Variants in CSMD1 observed in about 807,000 individuals in gnomAD.
CSMD1 encodes the protein CUB and sushi domain-containing protein 1.
In CSMD1, 213 loss-of-function variants were observed where a neutral mutation model predicts 417.5. The ratio of observed to expected loss-of-function variants is 0.51; its 90% CI spans 0.46 to 0.57. The LOEUF (loss-of-function observed/expected upper bound fraction) is 0.57. Among genes scored for constraint, CSMD1 ranks in the 20% least tolerant of loss-of-function variants. The pLI is 0.00. For missense variants in CSMD1, 6,923 were observed against 4,529.7 expected, an observed-to-expected ratio of 1.53 and a Z score of -15.17; for synonymous variants, 2,862 against 1,736.8, an observed-to-expected ratio of 1.65 and a Z score of -16.11.
rs977689427 is a variant in CSMD1, at chr8:3,505,653, G to C, written c.1345-11927C>G. Among the ~76,000 whole-genome samples the C allele has an allele frequency of 3.3e-5, 5 of 152,122 alleles. No individual in the cohort carries two copies. The East Asian group carries it at 9.6e-4, about 29-fold the overall frequency. On this transcript the variant is annotated intron_variant, in intron 10 of 69. Coordinates refer to ENST00000635120, the MANE Select transcript of CSMD1 (RefSeq NM_033225.6). ...GGAAATACAAATCAAAGTTAGTTTTGTCTTTTTTTGGTAGCATAACAAAAC... is the reference window on the plus strand; with the variant it reads ...GGAAATACAAATCAAAGTTAGTTTTCTCTTTTTTTGGTAGCATAACAAAAC...
At chr8:4,020,429 C>G (rs1796732097) in intron 4 of CSMD1, among the ~76,000 whole-genome samples, 1 of 152,168 alleles carries the variant, frequency 6.6e-6, no homozygotes, top group Non-Finnish European at 1.5e-5. Flanking sequence ...TTTACTTTTT[C>G]TATGCTCTAT....
rs568708228 is a variant in CSMD1, at chr8:4,180,400, G to A, written c.416-148301C>T. 1.3e-3 allele frequency among the ~76,000 whole-genome samples: 188 copies of A among 142,462 alleles called. 1 individual carries two copies. The highest frequency in any genetic ancestry group is 4.3e-3 in the African/African-American group (162 of 38,066). 93.5% of individuals were successfully genotyped at this position (142,462 alleles called of 152,430 possible). A position where few individuals can be genotyped will look rare whatever the true frequency, so the allele number is the denominator to read the frequency against. On this transcript the variant is annotated intron_variant, in intron 3 of 69. Transcript: ENST00000635120. ...AATGAGAACACATGGACACAGGAAG[G>A]GGAACATCACACTCTGGGGACTGCT...
chr8:4,588,128 A>C (rs1799795865), intron 2 of CSMD1, among the ~76,000 whole-genome samples: 1 of 152,060 alleles, frequency 6.6e-6, no homozygotes, highest in Non-Finnish European at 1.5e-5. Flanking sequence ...GTGGATAATA[A>C]TTTTTCAAAG....
intron 5 of CSMD1, among the ~76,000 whole-genome samples, chr8:3,898,319 C>T (rs1480780313): frequency 6.6e-6 from 1 of 152,134 alleles, no homozygotes; most frequent in Admixed American, 6.5e-5. Context: ...GACAACTACT[C>T]TGATGTTATG....
chr8:2,946,565 A>T (rs1385392977), intron 68 of CSMD1, among the ~76,000 whole-genome samples: 1 of 152,174 alleles, frequency 6.6e-6, no homozygotes. Flanking sequence ...AGGATTCTTC[A>T]ATACTTTATT....
At chr8:3,972,346 A>G (rs1057429596) in intron 5 of CSMD1, among the ~76,000 whole-genome samples, 5 of 152,222 alleles carry the variant, frequency 3.3e-5, no homozygotes, top group East Asian at 3.9e-4. Context: ...TTTTCTCAAA[A>G]TATCATTTAA....
At chr8:4,729,703 T>G (rs879529609) in intron 1 of CSMD1, among the ~76,000 whole-genome samples, 1 of 152,208 alleles carries the variant, frequency 6.6e-6, no homozygotes, top group Non-Finnish European at 1.5e-5. Context: ...TCCAGTGGCT[T>G]TTCAAAGCTG....
chr8:4,651,973 C>T (rs1422653341), intron 1 of CSMD1, among the ~76,000 whole-genome samples: 6 of 152,102 alleles, frequency 3.9e-5, no homozygotes. Context: ...GGTCTAGCTC[C>T]CTAAGTATAA....
At chr8:4,512,393 C>T (rs894637447) in intron 2 of CSMD1, among the ~76,000 whole-genome samples, 1 of 152,080 alleles carries the variant, frequency 6.6e-6, no homozygotes, top group African/African-American at 2.4e-5. Flanking sequence ...CACAAATGTC[C>T]CCTTTCACCA....
chr8:4,323,887 A>G (rs1397555342), intron 3 of CSMD1, among the ~76,000 whole-genome samples: 1 of 152,086 alleles, frequency 6.6e-6, no homozygotes, highest in Non-Finnish European at 1.5e-5. Flanking sequence ...GAAACTCCAC[A>G]TTTTGAGTCT....
chr8:3,586,271 A>G lies in CSMD1; in HGVS notation c.1098-11T>C. ...ACATTTGCACCAACCCTAAGCCGTTAAAAAAGAAAAAAAAAAACCCAAATT... is the reference window on the plus strand; with the variant it reads ...ACATTTGCACCAACCCTAAGCCGTTGAAAAAGAAAAAAAAAAACCCAAATT... On this transcript the variant is annotated splice_polypyrimidine_tract_variant and intron_variant, in intron 8 of 69. Coordinates refer to ENST00000635120, the MANE Select transcript of CSMD1 (RefSeq NM_033225.6). The G allele has an allele frequency of 6.7e-7, 1 of 1,487,138 alleles. No homozygotes were observed. The highest frequency in any genetic ancestry group is 8.9e-7 in the Non-Finnish European group (1 of 1,124,372). 92.1% of individuals were successfully genotyped at this position (1,487,138 alleles called of 1,614,324 possible). A position where few individuals can be genotyped will look rare whatever the true frequency, so the allele number is the denominator to read the frequency against.
At chr8:3,644,352 C>A (rs1328555243) in intron 7 of CSMD1, among the ~76,000 whole-genome samples, 1 of 152,198 alleles carries the variant, frequency 6.6e-6, no homozygotes. Context: ...TGTGTCATGT[C>A]TGGCTCTAAA....
chr8:4,353,096 GAAGT>G lies in CSMD1; in HGVS notation c.415+66853_415+66856del, dbSNP rs373636528. Among the ~76,000 whole-genome samples, 17 of 152,284 alleles carry G rather than the reference GAAGT, an allele frequency of 1.1e-4. No homozygotes were observed. The East Asian group carries it at 1.7e-3, about 16-fold the overall frequency. ...TGTCAACTTCACTTATTTTTTACCTGAAGTAATATAACATTCGGTTTATGTTCTC... is the reference window on the plus strand; with the variant it reads ...TGTCAACTTCACTTATTTTTTACCTGAATATAACATTCGGTTTATGTTCTC... On this transcript the variant is annotated intron_variant, in intron 3 of 69. Coordinates refer to ENST00000635120, the MANE Select transcript of CSMD1 (RefSeq NM_033225.6).
At chr8:3,420,159 T>C (rs189942955) in intron 12 of CSMD1, among the ~76,000 whole-genome samples, 11 of 152,274 alleles carry the variant, frequency 7.2e-5, no homozygotes, top group Admixed American at 7.2e-4. Flanking sequence ...AGCTAAGTCC[T>C]CAAAATTATT....
intron 5 of CSMD1, among the ~76,000 whole-genome samples, chr8:3,914,806 C>A (rs1398659254): frequency 6.6e-6 from 1 of 152,062 alleles, no homozygotes; most frequent in Non-Finnish European, 1.5e-5. Context: ...GATTTATTGA[C>A]ATCTACTCTA....
intron 5 of CSMD1, among the ~76,000 whole-genome samples, chr8:3,918,992 T>G (rs1466338363): frequency 3.3e-5 from 5 of 152,004 alleles, no homozygotes; most frequent in African/African-American, 1.2e-4. Context: ...CTTATTCATG[T>G]AACCAAATAC....
At chr8:4,032,714 T>C (rs1358663487) in intron 3 of CSMD1, among the ~76,000 whole-genome samples, 3 of 152,204 alleles carry the variant, frequency 2.0e-5, no homozygotes, top group South Asian at 2.1e-4. Flanking sequence ...CCATTTATAG[T>C]GTCTGATTCA....
At chr8:3,367,795 T>C (rs28469508) in intron 19 of CSMD1, among the ~76,000 whole-genome samples, 36,064 of 152,102 alleles carry the variant, frequency 0.24, 4,377 homozygotes, top group African/African-American at 0.3. Context: ...CATATTGGCA[T>C]AGATATGTAT....
intron 1 of CSMD1, among the ~76,000 whole-genome samples, chr8:4,808,476 T>C (rs926187418): frequency 1.3e-5 from 2 of 152,314 alleles, no homozygotes; most frequent in East Asian, 3.9e-4. Context: ...GTATCTGTAC[T>C]CTCAAATAAT....
Sources: gnomAD v4.1 joint callset for allele counts (sites outside exome capture counted in the v4.1 genomes callset) on GRCh38, gnomAD v4.1.1 for gene constraint, MANE v1.5 for transcripts, NCBI Gene and HGNC (gene_info 2026-07-23, HGNC 2026-07-21) for gene names.